Variants in CSMD1 observed in about 807,000 individuals in gnomAD.
The protein encoded by CSMD1 is CUB and sushi domain-containing protein 1.
Under a neutral mutation model 417.5 loss-of-function variants are expected in CSMD1, and 213 were observed. The observed-to-expected ratio is 0.51, with a 90% CI of 0.46 to 0.57. The LOEUF (loss-of-function observed/expected upper bound fraction) is 0.57. Among genes scored for constraint, CSMD1 ranks in the 20% least tolerant of loss-of-function variants. CSMD1 has a pLI of 0.00. For synonymous variants in CSMD1, 2,862 were observed against 1,736.8 expected, an observed-to-expected ratio of 1.65 and a Z score of -16.11; for missense variants, 6,923 against 4,529.7, an observed-to-expected ratio of 1.53 and a Z score of -15.17.
chr8:4,715,612 A>C (rs1453117639), intron 1 of CSMD1, among the ~76,000 whole-genome samples: 1 of 152,182 alleles, frequency 6.6e-6, no homozygotes, highest in Admixed American at 6.5e-5. Context: ...TAACGTGAAC[A>C]AAAATGATCT....
chr8:3,461,416 G>A (rs1344692507), intron 12 of CSMD1, among the ~76,000 whole-genome samples: 1 of 152,214 alleles, frequency 6.6e-6, no homozygotes, highest in East Asian at 1.9e-4. Flanking sequence ...CCATAATGCT[G>A]TGTCAGTCCC....
chr8:4,528,576 G>T (rs954130750), intron 2 of CSMD1, among the ~76,000 whole-genome samples: 24 of 151,844 alleles, frequency 1.6e-4, no homozygotes. Context: ...TTAATTATTT[G>T]TATCACAAAA....
intron 7 of CSMD1, among the ~76,000 whole-genome samples, chr8:3,658,654 G>A (rs922472080): frequency 2.0e-5 from 3 of 151,776 alleles, no homozygotes; most frequent in South Asian, 2.1e-4. Flanking sequence ...GTGGTGGTGC[G>A]TGCCTGTAAT....
At chr8:3,848,927 C>G (rs138942886) in intron 5 of CSMD1, among the ~76,000 whole-genome samples, 4 of 149,918 alleles carry the variant, frequency 2.7e-5, no homozygotes, top group East Asian at 3.9e-4. Flanking sequence ...ATACATATAT[C>G]ATATATATAT....
intron 5 of CSMD1, among the ~76,000 whole-genome samples, chr8:3,857,279 C>G (rs1436511039): frequency 1.3e-5 from 2 of 152,088 alleles, no homozygotes; most frequent in African/African-American, 4.8e-5. Flanking sequence ...AATCTTTAAA[C>G]TGGGCCTTTA....
intron 10 of CSMD1, among the ~76,000 whole-genome samples, chr8:3,539,763 TA>T (rs33938448): frequency 0.099 from 12,803 of 129,612 alleles, 955 homozygotes; most frequent in African/African-American, 0.23. Context: ...TTCTTTATGA[TA>T]AAAAAAAAAA....
intron 26 of CSMD1, among the ~76,000 whole-genome samples, chr8:3,266,743 C>G (rs1490826502): frequency 2.7e-5 from 4 of 150,818 alleles, no homozygotes; most frequent in East Asian, 2.0e-4. Context: ...CCACTGCACT[C>G]CAGCCTGGGC....
chr8:3,880,947 T>C (rs533409344), intron 5 of CSMD1, among the ~76,000 whole-genome samples: 1 of 152,228 alleles, frequency 6.6e-6, no homozygotes, highest in East Asian at 1.9e-4. Flanking sequence ...GCAAAATTAG[T>C]ATAGAAAAGA....
At chr8:4,612,958 G>T (rs1801265228) in intron 2 of CSMD1, among the ~76,000 whole-genome samples, 1 of 152,062 alleles carries the variant, frequency 6.6e-6, no homozygotes, top group African/African-American at 2.4e-5. Context: ...TGTGACACAG[G>T]GACTAGAGAT....
At chr8:3,649,353 T>C (rs530333777) in intron 7 of CSMD1, among the ~76,000 whole-genome samples, 1 of 152,350 alleles carries the variant, frequency 6.6e-6, no homozygotes, top group East Asian at 1.9e-4. Flanking sequence ...GAAATCTAAA[T>C]GTCCGCTTTT....
At chr8:4,433,499 C>G (rs756255668) in intron 2 of CSMD1, among the ~76,000 whole-genome samples, 5 of 152,170 alleles carry the variant, frequency 3.3e-5, no homozygotes, top group Non-Finnish European at 7.3e-5. Context: ...AAGTGTTTCC[C>G]TCATTCCCAA....
At chr8:4,440,819 A>G (rs1256241576) in intron 2 of CSMD1, among the ~76,000 whole-genome samples, 1 of 151,942 alleles carries the variant, frequency 6.6e-6, no homozygotes, top group Non-Finnish European at 1.5e-5. Context: ...AACATGCTCA[A>G]ACCTCCTCTC....
intron 2 of CSMD1, among the ~76,000 whole-genome samples, chr8:4,621,427 A>C (rs968064868): frequency 6.6e-6 from 1 of 152,146 alleles, no homozygotes; most frequent in Admixed American, 6.6e-5. Flanking sequence ...CTGCATTAAT[A>C]ACTGTACCTA....
rs931115923 is a variant in CSMD1 at position 4,994,170 on chromosome 8, G to A, written c.85+162C>T. On this transcript the variant is annotated intron_variant, in intron 1 of 69. Coordinates refer to ENST00000635120, the MANE Select transcript of CSMD1 (RefSeq NM_033225.6). ...GAGGGCTGGGGAGAGCGCGATGGAA[G>A]CTCCCTCCCGTGCATCGCGTTCCCC... Among the ~76,000 whole-genome samples the A allele has an allele frequency of 2.6e-5, 4 of 152,202 alleles. No individual in the cohort carries two copies. The East Asian group carries it at 7.8e-4, about 30-fold the overall frequency.
At chr8:3,356,629 C>G (rs1050172592) in intron 21 of CSMD1, among the ~76,000 whole-genome samples, 11 of 152,144 alleles carry the variant, frequency 7.2e-5, no homozygotes, top group African/African-American at 2.7e-4. Flanking sequence ...GAGCCGAGAT[C>G]GTGCCACTGC....
chr8:3,724,626 A>T (rs1905029), intron 6 of CSMD1, among the ~76,000 whole-genome samples: 17 of 151,992 alleles, frequency 1.1e-4, no homozygotes, highest in Admixed American at 1.0e-3. Flanking sequence ...GGTCACTCCC[A>T]GTATGCAGGA....
At chr8:3,934,678 A>C (rs1810367582) in intron 5 of CSMD1, among the ~76,000 whole-genome samples, 1 of 151,808 alleles carries the variant, frequency 6.6e-6, no homozygotes, top group Non-Finnish European at 1.5e-5. Context: ...ACATGATGAA[A>C]CCCTGTCTCT....
At chr8:4,479,063 C>G (rs193245967) in intron 2 of CSMD1, among the ~76,000 whole-genome samples, 1 of 152,196 alleles carries the variant, frequency 6.6e-6, no homozygotes, top group Non-Finnish European at 1.5e-5. Context: ...CAATGCTATT[C>G]AAATGTTTAC....
chr8:3,068,814 C>T (rs1404457860), intron 49 of CSMD1, among the ~76,000 whole-genome samples: 4 of 152,120 alleles, frequency 2.6e-5, no homozygotes, highest in Non-Finnish European at 5.9e-5. Context: ...AAACATCTCC[C>T]ACCAGACATT....
Sources: allele counts gnomAD v4.1 joint callset (sites outside exome capture counted in the v4.1 genomes callset), GRCh38; gene constraint gnomAD v4.1.1; transcripts MANE v1.5; gene names NCBI Gene and HGNC (gene_info 2026-07-23, HGNC 2026-07-21).